AKAP6: variants seen among roughly 807,000 people sequenced by gnomAD.
The protein encoded by AKAP6 is A-kinase anchor protein 6.
In AKAP6, 58 loss-of-function variants were observed where a neutral mutation model predicts 188.5. The ratio of observed to expected loss-of-function variants is 0.31; its 90% CI spans 0.25 to 0.38. The LOEUF is 0.38. Among genes scored for constraint, AKAP6 ranks in the 10% least tolerant of loss-of-function variants. The pLI is 1.00. For synonymous variants in AKAP6, 989 were observed against 998.6 expected (o/e 0.99, Z 0.18); for missense variants, 2,710 against 2,740.0 (o/e 0.99, Z 0.24).
At chr14:32,680,505 T>C (rs1006841021) in intron 8 of AKAP6, among the ~76,000 whole-genome samples, 1 of 152,214 alleles carries the variant, frequency 6.6e-6, no homozygotes, top group African/African-American at 2.4e-5. Flanking sequence ...TTCCAATAAG[T>C]AATTGTGGGA....
At position 32,339,579 on chromosome 14, in the gene AKAP6, C is replaced by T. The variant is rs73254632; in HGVS notation, c.-35+10171C>T. 2.4e-3 allele frequency among the ~76,000 whole-genome samples: 369 copies of T among 152,116 alleles called. 1 individual carries two copies. The highest frequency in any genetic ancestry group is 7.8e-3 in the African/African-American group (323 of 41,492). The stretch of plus-strand genomic sequence containing the variant: ...TTTCTCTCTTTAGTGAATTTGGGTC[C>T]CCTTCAGGAACAGGGTTATTTATTC... On this transcript the variant is annotated intron_variant, in intron 1 of 13. Transcript: ENST00000280979.
At chr14:32,447,150 G>A (rs1890781708) in intron 2 of AKAP6, among the ~76,000 whole-genome samples, 1 of 152,124 alleles carries the variant, frequency 6.6e-6, no homozygotes, top group African/African-American at 2.4e-5. Flanking sequence ...AAAACTTCAT[G>A]CACACTCAGC....
chr14:32,509,027 T>A (rs978895291), intron 2 of AKAP6, among the ~76,000 whole-genome samples: 1 of 151,894 alleles, frequency 6.6e-6, no homozygotes, highest in Non-Finnish European at 1.5e-5. Context: ...TTTCACCATG[T>A]TGGCCAGGAT....
At chr14:32,753,597 C>G (rs750298743) in intron 11 of AKAP6, among the ~76,000 whole-genome samples, 1 of 152,012 alleles carries the variant, frequency 6.6e-6, no homozygotes, top group Non-Finnish European at 1.5e-5. Flanking sequence ...AGACCAATGT[C>G]AAGAAACTTT....
At chr14:32,389,664 A>G (rs1888645125) in intron 1 of AKAP6, among the ~76,000 whole-genome samples, 1 of 152,146 alleles carries the variant, frequency 6.6e-6, no homozygotes, top group South Asian at 2.1e-4. Context: ...AGGAGGCTGA[A>G]GATAGGGTCC....
chr14:32,775,633 A>G (rs1024754229), intron 12 of AKAP6, among the ~76,000 whole-genome samples: 2 of 152,052 alleles, frequency 1.3e-5, no homozygotes, highest in African/African-American at 4.8e-5. Flanking sequence ...ACATGGTCTC[A>G]CTATGTTGCC....
chr14:32,338,274 A>G (rs530913932), intron 1 of AKAP6, among the ~76,000 whole-genome samples: 17 of 152,244 alleles, frequency 1.1e-4, no homozygotes, highest in Non-Finnish European at 1.6e-4. Flanking sequence ...CCTAAATACC[A>G]TATATGCTCA....
At position 32,775,946 on chromosome 14, in the gene AKAP6, A is replaced by G. The variant is rs1011436292; in HGVS notation, c.3588+2053A>G. Among the ~76,000 whole-genome samples the G allele has an allele frequency of 5.3e-5, 8 of 152,210 alleles. No individual in the cohort carries two copies. The South Asian group carries it at 1.0e-3, about 20-fold the overall frequency. ...AGTTGAAAATCTCTGTCAGAAAAGG[A>G]ATGAAGAGAGTGGTCTAATGCCAAC... On this transcript the variant is annotated intron_variant, in intron 12 of 13. Coordinates refer to ENST00000280979, the MANE Select transcript of AKAP6 (RefSeq NM_004274.5).
chr14:32,371,222 CAT>C (rs770103308), intron 1 of AKAP6, among the ~76,000 whole-genome samples: 89 of 152,178 alleles, frequency 5.8e-4, no homozygotes, highest in Admixed American at 2.0e-3. Flanking sequence ...CTAGAACACA[CAT>C]ATGTCAAAAG....
chr14:32,447,203 A>G (rs1890783329), intron 2 of AKAP6, among the ~76,000 whole-genome samples: 1 of 152,216 alleles, frequency 6.6e-6, no homozygotes, highest in Non-Finnish European at 1.5e-5. Flanking sequence ...TACATAATTT[A>G]GCACCAGTGT....
chr14:32,352,289 T>C (rs1219280663), intron 1 of AKAP6, among the ~76,000 whole-genome samples: 1 of 151,928 alleles, frequency 6.6e-6, no homozygotes, highest in Non-Finnish European at 1.5e-5. Flanking sequence ...TTTTAATTGA[T>C]ACAATAATTA....
chr14:32,596,728 T>C (rs183833116), intron 5 of AKAP6, among the ~76,000 whole-genome samples: 4 of 152,270 alleles, frequency 2.6e-5, no homozygotes, highest in South Asian at 2.1e-4. Context: ...CTGTACACCA[T>C]AGGGCATTGC....
Position 32,584,387 on chromosome 14 carries a change from G to A in AKAP6, c.2469+7145G>A, listed in dbSNP as rs191758691. Among the ~76,000 whole-genome samples, 89 of 152,284 alleles carry A rather than the reference G, an allele frequency of 5.8e-4. 1 individual carries two copies. The highest frequency in any genetic ancestry group is 1.4e-3 in the East Asian group (7 of 5,180). ...ACTTCACCACACAACTCAGAATGGCGTGCAATTTAAAACTTATGAATTTTT... is the reference window on the plus strand; with the variant it reads ...ACTTCACCACACAACTCAGAATGGCATGCAATTTAAAACTTATGAATTTTT... On this transcript the variant is annotated intron_variant, in intron 5 of 13. Coordinates refer to ENST00000280979, the MANE Select transcript of AKAP6 (RefSeq NM_004274.5).
chr14:32,499,039 G>C (rs1392541787), intron 2 of AKAP6, among the ~76,000 whole-genome samples: 1 of 151,426 alleles, frequency 6.6e-6, no homozygotes, highest in Non-Finnish European at 1.5e-5. Context: ...CTCACACATT[G>C]TTGGCACTCA....
intron 11 of AKAP6, among the ~76,000 whole-genome samples, chr14:32,760,721 G>C (rs1485892338): frequency 6.6e-6 from 1 of 152,044 alleles, no homozygotes; most frequent in Non-Finnish European, 1.5e-5. Context: ...CAAGAAAATG[G>C]TCTTGAAAAA....
chr14:32,355,594 A>G (rs1163570332), intron 1 of AKAP6, among the ~76,000 whole-genome samples: 2 of 152,208 alleles, frequency 1.3e-5, no homozygotes, highest in Middle Eastern at 3.2e-3. Context: ...TGATATAGTA[A>G]TATTTGTGCT....
At chr14:32,577,291 T>C (rs1187185862) in intron 5 of AKAP6, 49 bp downstream of exon 5, 2 of 1,580,800 alleles carry the variant, frequency 1.3e-6, no homozygotes. Flanking sequence ...AGGATTTTAA[T>C]GTACTGCTTG....
chr14:32,710,534 A>G (rs1034584009), intron 9 of AKAP6, among the ~76,000 whole-genome samples: 1 of 152,028 alleles, frequency 6.6e-6, no homozygotes, highest in African/African-American at 2.4e-5. Flanking sequence ...CAGAGTCACT[A>G]CTGAGGGAAA....
chr14:32,517,895 C>T (rs1381147144), intron 2 of AKAP6, among the ~76,000 whole-genome samples: 2 of 152,232 alleles, frequency 1.3e-5, no homozygotes, highest in African/African-American at 4.8e-5. Context: ...CAGACCGCCT[C>T]CTCAAGTGGG....
Sources: allele counts gnomAD v4.1 joint callset (sites outside exome capture counted in the v4.1 genomes callset), GRCh38; gene constraint gnomAD v4.1.1; transcripts MANE v1.5; gene names NCBI Gene and HGNC (gene_info 2026-07-23, HGNC 2026-07-21).